Variants in SFI1 observed in about 807,000 individuals in gnomAD.
SFI1 encodes SFI1 centrin binding protein.
A neutral mutation model predicts 207.5 loss-of-function variants in SFI1; 195 were observed. That is an observed-to-expected ratio of 0.94 (90% confidence interval 0.84 to 1.06). SFI1 has a LOEUF of 1.06. SFI1 is among the 50% of genes least tolerant of loss of function. The probability of loss-of-function intolerance (pLI) is 0.00; values close to 1 mark genes in which losing one functional copy is unlikely to be tolerated. For missense variants in SFI1, 1,634 were observed against 1,588.0 expected (o/e 1.03, Z -0.49); for synonymous variants, 630 against 598.9 (o/e 1.05, Z -0.76).
chr22:31,498,933 C>T lies in SFI1; in HGVS notation c.-31+2296C>T, dbSNP rs559959254. ...GAGTGCATGGCACACTCTTGACCTC[C>T]TGACCTCATGTGATCCACCTGCTTC... On this transcript the variant is annotated intron_variant, in intron 1 of 32. Coordinates refer to ENST00000400288, the MANE Select transcript of SFI1 (RefSeq NM_001007467.3). Among the ~76,000 whole-genome samples the T allele has an allele frequency of 1.4e-3, 212 of 151,288 alleles. 1 individual carries two copies. Among genetic ancestry groups the T allele is most frequent in the African/African-American group, 5.0e-3 (204 of 41,208 alleles).
At chr22:31,598,685 G>A (rs2067558968) in intron 15 of SFI1, among the ~76,000 whole-genome samples, 1 of 124,286 alleles carries the variant, frequency 8.0e-6, no homozygotes, top group Non-Finnish European at 1.6e-5. Context: ...CCAGAGTGCT[G>A]GGATTACAGG....
At chr22:31,568,653 G>C (rs1013828630) in intron 8 of SFI1, among the ~76,000 whole-genome samples, 1 of 150,450 alleles carries the variant, frequency 6.6e-6, no homozygotes, top group African/African-American at 2.4e-5. Context: ...GGGCTTTTTA[G>C]AGAAATGGCT....
intron 2 of SFI1, among the ~76,000 whole-genome samples, chr22:31,525,420 T>C (rs976457615): frequency 1.3e-5 from 2 of 152,094 alleles, no homozygotes; most frequent in South Asian, 4.1e-4. Flanking sequence ...CCAATGTTCT[T>C]GGAGCCTTTG....
chr22:31,603,658 A>G (rs2068489186), intron 17 of SFI1, 86 bp from the exon 18 acceptor site: 9 of 1,143,428 alleles, frequency 7.9e-6, no homozygotes, highest in Non-Finnish European at 9.4e-6. Context: ...TTAACCAGGT[A>G]GGGCTATGGA....
chr22:31,613,649 G>A lies in SFI1; in HGVS notation c.2790G>A (p.Trp930Ter), dbSNP rs1469903762. The A allele has an allele frequency of 5.6e-6, 9 of 1,603,922 alleles. No individual in the cohort carries two copies. Among genetic ancestry groups the A allele is most frequent in the Non-Finnish European group, 7.7e-6 (9 of 1,173,772 alleles). ...CCGTCCGCCGCTGTGCCACGCTCTG[G>A]AAACAGAAAGTGCTGGGCCGGGGCG... ...HRAVRRCATL[W>*]KQKVLGRGGK... is the part of the protein sequence containing the mutation. Residue 930 changes from tryptophan to a stop codon, truncating the protein, a stop_gained, in exon 27 of 33, where the codon TGG (tryptophan) becomes TGA (stop). Transcript: ENST00000400288. LOFTEE classifies it high-confidence loss of function.
intron 4 of SFI1, 90 bp downstream of exon 4, chr22:31,531,219 TG>T (rs1458345958): frequency 1.2e-5 from 13 of 1,067,134 alleles, no homozygotes; most frequent in Middle Eastern, 4.8e-4. Flanking sequence ...CATTATGGCT[TG>T]TGCTGTTACA....
At chr22:31,569,472 A>T (rs2062727424) in intron 8 of SFI1, among the ~76,000 whole-genome samples, 1 of 152,222 alleles carries the variant, frequency 6.6e-6, no homozygotes, top group African/African-American at 2.4e-5. Context: ...AGACACCTCG[A>T]GGTTACAGTC....
chr22:31,613,145 G>A lies in SFI1; in HGVS notation c.2494G>A (p.Ala832Thr). The A allele has an allele frequency of 1.2e-6, 2 of 1,613,314 alleles. No individual in the cohort carries two copies. The highest frequency in any genetic ancestry group is 1.7e-6 in the Non-Finnish European group (2 of 1,179,972). Residue 832 changes from alanine to threonine, a missense_variant, in exon 25 of 33, where the codon GCA becomes ACA. Coordinates refer to ENST00000400288, the MANE Select transcript of SFI1 (RefSeq NM_001007467.3). ...GATCTGGTCTTTCTGGCCCTAGCTG[G>A]CAGCCAGGAGGCAGGAGCAGCGGGC... ...TCFRQWRQQLAARRQEQRATV... is the reference protein window; with the variant it reads ...TCFRQWRQQLTARRQEQRATV...
chr22:31,607,938 T>A lies in SFI1; in HGVS notation c.2159T>A (p.Val720Asp), dbSNP rs2069342620. 6 of 1,613,688 alleles carry A rather than the reference T, an allele frequency of 3.7e-6. No homozygotes were observed. The highest frequency in any genetic ancestry group is 1.3e-5 in the African/African-American group (1 of 74,900). The change falls in exon 22 of 33, where the codon GTC (valine) becomes GAC (aspartate). Residue 720 changes from valine to aspartate, a missense_variant and splice_region_variant. Physicochemically the swap from Val to Asp is radical, Grantham distance 152 (BLOSUM62 -3). Coordinates refer to ENST00000400288, the MANE Select transcript of SFI1 (RefSeq NM_001007467.3). ...GCTGTGCTCCTTGCCTGCCCATAGG[T>A]CCTGGTCCAGTGGCGGGAAGCTGTG... ...THYRRTICSK[V>D]LVQWREAVSV...
intron 15 of SFI1, among the ~76,000 whole-genome samples, chr22:31,591,779 AC>A (rs1381810319): frequency 1.2e-4 from 5 of 41,930 alleles, no homozygotes; most frequent in Admixed American, 5.4e-4. Context: ...GGGGGGGCTG[AC>A]CCCCCCCACC....
intron 29 of SFI1, 91 bp downstream of exon 29, chr22:31,615,370 G>T: frequency 8.1e-7 from 1 of 1,230,398 alleles, no homozygotes; most frequent in Non-Finnish European, 1.1e-6. Flanking sequence ...ACTAGTTTCT[G>T]GAAAACCTTG....
chr22:31,609,773 G>A (rs2147213537), intron 22 of SFI1, among the ~76,000 whole-genome samples: 1 of 152,370 alleles, frequency 6.6e-6, no homozygotes, highest in African/African-American at 2.4e-5. Flanking sequence ...AGTTTACGAA[G>A]AAAGAAGCCG....
rs571279620 is a variant in SFI1, at chr22:31,553,648, C to T, written c.545-3294C>T. On this transcript the variant is annotated intron_variant, in intron 6 of 32. Coordinates refer to ENST00000400288, the MANE Select transcript of SFI1 (RefSeq NM_001007467.3). ...TCGGCCTCCCAAAGTGCTGGGACCA[C>T]AGGGGTGAGCCACCAAGCCCAGCTG... is the stretch of plus-strand genomic sequence containing the variant. 2.0e-5 allele frequency among the ~76,000 whole-genome samples: 3 copies of T among 150,162 alleles called. No individual in the cohort carries two copies. The South Asian group carries it at 6.3e-4, about 31-fold the overall frequency.
chr22:31,561,219 C>A, intron 7 of SFI1, 71 bp from the exon 8 acceptor site: 1 of 1,357,450 alleles, frequency 7.4e-7, no homozygotes, highest in South Asian at 1.3e-5. Context: ...TGAGGCCCCA[C>A]ACTAACTGCT....
Position 31,585,103 on chromosome 22 carries a change from T to C in SFI1, c.1382T>C (p.Leu461Pro). ...CTGTGCAAATGTATCGAATTGTGGC[T>C]ACAGTATACTCAGAAGAGGCGGTAC... ...ALLCKCIELW[L>P]QYTQKRRYKQ... Residue 461 changes from leucine to proline, a missense_variant, in exon 14 of 33, where the codon CTA (leucine) becomes CCA (proline). Transcript: ENST00000400288. The C allele has an allele frequency of 1.2e-6, 2 of 1,614,122 alleles. No homozygotes were observed. Among genetic ancestry groups the C allele is most frequent in the South Asian group, 1.1e-5 (1 of 91,086 alleles).
intron 1 of SFI1, among the ~76,000 whole-genome samples, chr22:31,504,305 G>T (rs988948938): frequency 1.3e-5 from 2 of 152,092 alleles, no homozygotes; most frequent in Admixed American, 1.3e-4. Context: ...CACTTATGAT[G>T]ACCTCTGTTA....
At chr22:31,545,932 G>A (rs181920144) in intron 4 of SFI1, among the ~76,000 whole-genome samples, 48 of 125,934 alleles carry the variant, frequency 3.8e-4, no homozygotes, top group African/African-American at 1.4e-3. Flanking sequence ...TTACTCTTTC[G>A]CCCAGGCTGG....
rs113940376 is a variant in SFI1 at position 31,504,802 on chromosome 22, C to T, written c.-30-3453C>T. ...ACTCTAGTCTCTGCCTCTGTCATCACATTGCATTCTCCTCTTTATGTGTAT... is the reference window on the plus strand; with the variant it reads ...ACTCTAGTCTCTGCCTCTGTCATCATATTGCATTCTCCTCTTTATGTGTAT... On this transcript the variant is annotated intron_variant, in intron 1 of 32. Coordinates refer to ENST00000400288, the MANE Select transcript of SFI1 (RefSeq NM_001007467.3). 8.0e-3 allele frequency among the ~76,000 whole-genome samples: 1,214 copies of T among 152,268 alleles called. 24 individuals carry two copies. The highest frequency in any genetic ancestry group is 0.026 in the African/African-American group (1,098 of 41,540).
At chr22:31,515,607 A>C (rs1464878866) in intron 2 of SFI1, among the ~76,000 whole-genome samples, 1 of 148,702 alleles carries the variant, frequency 6.7e-6, no homozygotes, top group Non-Finnish European at 1.5e-5. Context: ...CTGGTCTTGA[A>C]CTCCAGAGCT....
Sources: gnomAD v4.1 joint callset for allele counts (sites outside exome capture counted in the v4.1 genomes callset) on GRCh38, gnomAD v4.1.1 for gene constraint, MANE v1.5 for transcripts, NCBI Gene and HGNC (gene_info 2026-07-23, HGNC 2026-07-21) for gene names.